Variants in CHRM3 observed in about 807,000 individuals in gnomAD.
CHRM3 encodes the protein muscarinic acetylcholine receptor M3.
Under a neutral mutation model 41.8 loss-of-function variants are expected in CHRM3, and 11 were observed. The ratio of observed to expected loss-of-function variants is 0.26; its 90% confidence interval spans 0.17 to 0.44. The LOEUF (loss-of-function observed/expected upper bound fraction) is 0.44. Ranked by LOEUF, CHRM3 falls within the 20% of genes least tolerant of loss-of-function variation. The pLI, the probability that CHRM3 is intolerant of heterozygous loss-of-function variation, is 1.00. For missense variants in CHRM3, 571 were observed against 745.4 expected, an observed-to-expected ratio of 0.77 and a Z score of 2.72; for synonymous variants, 297 against 301.4, an observed-to-expected ratio of 0.99 and a Z score of 0.15.
At chr1:239,520,478 A>G (rs1462363107) in intron 2 of CHRM3, among the ~76,000 whole-genome samples, 2 of 151,850 alleles carry the variant, frequency 1.3e-5, no homozygotes, top group African/African-American at 2.4e-5. Context: ...CTTGCTCCCA[A>G]TCCCTCCATT....
intron 2 of CHRM3, among the ~76,000 whole-genome samples, chr1:239,501,691 T>TA (rs1668250480): frequency 6.6e-6 from 1 of 151,832 alleles, no homozygotes; most frequent in Admixed American, 6.6e-5. Flanking sequence ...CTGTCTCTAC[T>TA]AAAAAATACA....
intron 5 of CHRM3, among the ~76,000 whole-genome samples, chr1:239,726,898 A>C (rs1663490105): frequency 6.6e-6 from 1 of 151,934 alleles, no homozygotes; most frequent in Non-Finnish European, 1.5e-5. Context: ...TAAATTAATA[A>C]TTATACAACT....
intron 2 of CHRM3, among the ~76,000 whole-genome samples, chr1:239,527,138 C>T (rs1207158173): frequency 6.6e-6 from 1 of 152,032 alleles, no homozygotes; most frequent in Non-Finnish European, 1.5e-5. Context: ...ACAAAAACAA[C>T]AAAAACAAGA....
At chr1:239,533,463 G>A (rs146150037) in intron 2 of CHRM3, among the ~76,000 whole-genome samples, 1 of 151,970 alleles carries the variant, frequency 6.6e-6, no homozygotes, top group East Asian at 1.9e-4. Context: ...TAGGCTGGGT[G>A]CAGTGGCTCA....
chr1:239,575,346 C>T (rs1662233585), intron 3 of CHRM3, among the ~76,000 whole-genome samples: 1 of 152,126 alleles, frequency 6.6e-6, no homozygotes, highest in African/African-American at 2.4e-5. Context: ...GTTTCTTATA[C>T]CTCCGGCTGA....
intron 4 of CHRM3, among the ~76,000 whole-genome samples, chr1:239,672,847 A>G (rs953051590): frequency 1.3e-5 from 2 of 152,022 alleles, no homozygotes; most frequent in Non-Finnish European, 1.5e-5. Flanking sequence ...AGAACTGTTA[A>G]CCCAGGAGGT....
intron 1 of CHRM3, among the ~76,000 whole-genome samples, chr1:239,391,051 T>C (rs929109800): frequency 1.3e-5 from 2 of 152,074 alleles, no homozygotes; most frequent in Admixed American, 1.3e-4. Context: ...AGTGGGAAGA[T>C]AGCTTGAATG....
intron 5 of CHRM3, among the ~76,000 whole-genome samples, chr1:239,721,728 A>G (rs1662987341): frequency 6.6e-6 from 1 of 151,978 alleles, no homozygotes; most frequent in African/African-American, 2.4e-5. Flanking sequence ...ATCTTTCTAC[A>G]GTATGAGAAG....
At chr1:239,899,276 A>T (rs112396808) in intron 6 of CHRM3, among the ~76,000 whole-genome samples, 4 of 134,636 alleles carry the variant, frequency 3.0e-5, no homozygotes, top group South Asian at 2.4e-4. Flanking sequence ...TTTTGAACTC[A>T]GTGTGTGTGT....
At chr1:239,695,614 T>A (rs1660110720) in intron 5 of CHRM3, among the ~76,000 whole-genome samples, 1 of 152,066 alleles carries the variant, frequency 6.6e-6, no homozygotes, top group Admixed American at 6.5e-5. Flanking sequence ...TGAGCTTCAG[T>A]GATAAAAATG....
chr1:239,612,160 C>T (rs1245439284), intron 3 of CHRM3, among the ~76,000 whole-genome samples: 3 of 152,128 alleles, frequency 2.0e-5, no homozygotes, highest in Non-Finnish European at 4.4e-5. Context: ...AGCATTTCAT[C>T]ATTTCAAAGG....
At chr1:239,794,185 G>C (rs1359146284) in intron 5 of CHRM3, among the ~76,000 whole-genome samples, 1 of 152,032 alleles carries the variant, frequency 6.6e-6, no homozygotes, top group Non-Finnish European at 1.5e-5. Context: ...AGAGTATAGA[G>C]ATTAAATAAA....
intron 5 of CHRM3, among the ~76,000 whole-genome samples, chr1:239,775,224 A>C (rs190139508): frequency 6.6e-6 from 1 of 152,258 alleles, no homozygotes; most frequent in East Asian, 1.9e-4. Flanking sequence ...TCAAGCAATA[A>C]TTTTATCTTT....
chr1:239,604,212 TAA>T (rs1050979031), intron 3 of CHRM3, among the ~76,000 whole-genome samples: 7 of 152,150 alleles, frequency 4.6e-5, no homozygotes, highest in African/African-American at 1.7e-4. Context: ...ACTTACACTT[TAA>T]GAGTAACATT....
intron 5 of CHRM3, among the ~76,000 whole-genome samples, chr1:239,763,644 C>A (rs1377897101): frequency 2.0e-5 from 3 of 152,068 alleles, no homozygotes; most frequent in African/African-American, 4.8e-5. Flanking sequence ...TGGAGATCTG[C>A]CCCCACCCCC....
At chr1:239,823,527 T>G (rs145912421) in intron 5 of CHRM3, among the ~76,000 whole-genome samples, 1 of 152,262 alleles carries the variant, frequency 6.6e-6, no homozygotes, top group Admixed American at 6.5e-5. Context: ...AATGCCTTCA[T>G]GCCTGATCCC....
intron 5 of CHRM3, among the ~76,000 whole-genome samples, chr1:239,784,957 A>T (rs1668776921): frequency 6.6e-6 from 1 of 152,174 alleles, no homozygotes; most frequent in African/African-American, 2.4e-5. Context: ...TGCATACCAA[A>T]TTGTTAATTA....
At chr1:239,713,052 A>G (rs1051564334) in intron 5 of CHRM3, among the ~76,000 whole-genome samples, 2 of 152,174 alleles carry the variant, frequency 1.3e-5, no homozygotes, top group African/African-American at 4.8e-5. Context: ...CAACACAAAC[A>G]CTGCCCGCTA....
intron 5 of CHRM3, among the ~76,000 whole-genome samples, chr1:239,750,391 A>C (rs530348623): frequency 6.6e-6 from 1 of 152,368 alleles, no homozygotes; most frequent in East Asian, 1.9e-4. Flanking sequence ...AATCAAATGT[A>C]GTTTTGCAAT....
Sources: allele counts gnomAD v4.1 joint callset (sites outside exome capture counted in the v4.1 genomes callset), GRCh38; gene constraint gnomAD v4.1.1; transcripts MANE v1.5; gene names NCBI Gene and HGNC (gene_info 2026-07-23, HGNC 2026-07-21).